The following LARGE1 variants were observed in gnomAD, a reference collection of about 807,000 sequenced individuals.
LARGE1 encodes xylosyl- and glucuronyltransferase LARGE1.
In LARGE1, 43 loss-of-function variants were observed where a neutral mutation model predicts 87.6. That is an observed-to-expected ratio of 0.49 (90% confidence interval 0.38 to 0.63). LARGE1 has a LOEUF of 0.63. Ranked by LOEUF, LARGE1 falls within the 30% of genes least tolerant of loss-of-function variation. The pLI is 0.00. For missense variants in LARGE1, 802 were observed against 1,000.2 expected, an observed-to-expected ratio of 0.80 and a Z score of 2.67; for synonymous variants, 434 against 394.6, an observed-to-expected ratio of 1.10 and a Z score of -1.18.
At chr22:33,622,850 G>A (rs1327436835) in intron 4 of LARGE1, among the ~76,000 whole-genome samples, 3 of 152,108 alleles carry the variant, frequency 2.0e-5, no homozygotes, top group Non-Finnish European at 2.9e-5. Flanking sequence ...AAGTCCTCAC[G>A]CCGTCTTAAA....
At chr22:33,672,256 G>C (rs1377863369) in intron 2 of LARGE1, among the ~76,000 whole-genome samples, 1 of 152,150 alleles carries the variant, frequency 6.6e-6, no homozygotes, top group Non-Finnish European at 1.5e-5. Context: ...GAGGACCAGA[G>C]ACTTTGGCCA....
rs147205826 is a variant in LARGE1 at position 33,388,339 on chromosome 22, C to T, written c.893-4035G>A. Among the ~76,000 whole-genome samples, 340 of 152,318 alleles carry T rather than the reference C, an allele frequency of 2.2e-3. 1 individual carries two copies. Among genetic ancestry groups the T allele is most frequent in the Non-Finnish European group, 3.6e-3 (248 of 68,034 alleles). ...GCTTCCAAAGTTGGACCGGGATTGCCGTGTTGAAGGCGCTCCTTGTCTTGA... is the reference window on the plus strand; with the variant it reads ...GCTTCCAAAGTTGGACCGGGATTGCTGTGTTGAAGGCGCTCCTTGTCTTGA... On this transcript the variant is annotated intron_variant, in intron 7 of 14. Coordinates refer to ENST00000397394, the MANE Select transcript of LARGE1 (RefSeq NM_133642.5).
chr22:33,571,613 C>A (rs2078206826), intron 5 of LARGE1, among the ~76,000 whole-genome samples: 2 of 152,122 alleles, frequency 1.3e-5, no homozygotes, highest in African/African-American at 4.8e-5. Flanking sequence ...CATTGAGATA[C>A]CCCAGTAAAG....
chr22:33,656,961 C>T (rs2080977253), intron 2 of LARGE1: 1 of 152,208 alleles, frequency 6.6e-6, no homozygotes, highest in South Asian at 2.1e-4. Flanking sequence ...TAGGGACTTA[C>T]CATCCAAAAT....
chr22:33,903,527 C>T (rs77307853), intron 1 of LARGE1, among the ~76,000 whole-genome samples: 7,928 of 152,022 alleles, frequency 0.052, 242 homozygotes, highest in East Asian at 0.13. Flanking sequence ...TCACCGTGTC[C>T]TTAAAAGTCT....
the LARGE1 span, among the ~76,000 whole-genome samples, chr22:33,079,382 C>A: frequency 6.6e-6 from 1 of 151,774 alleles, no homozygotes; most frequent in Non-Finnish European, 1.5e-5. Flanking sequence ...CGCCCGCCAC[C>A]ACGCCCGGAT....
the LARGE1 span, among the ~76,000 whole-genome samples, chr22:33,118,309 C>G: frequency 1.3e-5 from 2 of 151,834 alleles, no homozygotes; most frequent in East Asian, 3.9e-4. Context: ...ATCATGGAAC[C>G]TCATCTCTAC....
intron 1 of LARGE1, among the ~76,000 whole-genome samples, chr22:33,843,527 A>C (rs2063343034): frequency 6.6e-6 from 1 of 152,074 alleles, no homozygotes; most frequent in South Asian, 2.1e-4. Flanking sequence ...TAGCGGATGC[A>C]GGAAGATCCA....
At chr22:33,460,350 A>G (rs781000028) in intron 6 of LARGE1, among the ~76,000 whole-genome samples, 2 of 152,170 alleles carry the variant, frequency 1.3e-5, no homozygotes, top group Admixed American at 6.5e-5. Flanking sequence ...CTAATTTGCT[A>G]ATTTCCTAAC....
chr22:33,625,439 T>A (rs1055552036), intron 4 of LARGE1, among the ~76,000 whole-genome samples: 9 of 151,112 alleles, frequency 6.0e-5, no homozygotes, highest in Admixed American at 2.6e-4. Context: ...AGGATGATGG[T>A]TCCCATGGGG....
intron 7 of LARGE1, among the ~76,000 whole-genome samples, chr22:33,424,929 T>G (rs1053059002): frequency 1.3e-5 from 2 of 152,170 alleles, no homozygotes; most frequent in Admixed American, 1.3e-4. Context: ...ATTAGGGTCA[T>G]GAAGGTAGGG....
intron 3 of LARGE1, among the ~76,000 whole-genome samples, chr22:33,646,299 G>A (rs1322737183): frequency 6.6e-6 from 1 of 152,116 alleles, no homozygotes; most frequent in African/African-American, 2.4e-5. Flanking sequence ...CATGAATGAA[G>A]CTGGAAAACA....
chr22:33,206,053 C>G (rs1924665754), intron 11 of LARGE1, among the ~76,000 whole-genome samples: 1 of 149,672 alleles, frequency 6.7e-6, no homozygotes, highest in Non-Finnish European at 1.5e-5. Context: ...CTCCCCGGTT[C>G]ACGCCATTCT....
chr22:33,597,962 T>A (rs2079022995), intron 5 of LARGE1, among the ~76,000 whole-genome samples: 1 of 152,110 alleles, frequency 6.6e-6, no homozygotes, highest in African/African-American at 2.4e-5. Context: ...CTCAGCAGCA[T>A]CCTTAGAAGG....
chr22:33,498,714 G>GT (rs1406821054), intron 6 of LARGE1, among the ~76,000 whole-genome samples: 2 of 152,190 alleles, frequency 1.3e-5, no homozygotes, highest in Non-Finnish European at 2.9e-5. Context: ...GCTCACACCT[G>GT]TAATCCCAGC....
intron 5 of LARGE1, among the ~76,000 whole-genome samples, chr22:33,593,873 G>A (rs1037114562): frequency 3.3e-5 from 5 of 152,132 alleles, no homozygotes; most frequent in East Asian, 1.9e-4. Context: ...ATGAGTTGCT[G>A]TTTTATTTCC....
At chr22:33,610,312 G>A (rs1291657932) in intron 4 of LARGE1, among the ~76,000 whole-genome samples, 2 of 152,236 alleles carry the variant, frequency 1.3e-5, no homozygotes, top group Non-Finnish European at 2.9e-5. Context: ...AATGCAGATA[G>A]TGATAAGGAC....
At chr22:33,751,037 CAAAA>C (rs1569425762) in intron 2 of LARGE1, among the ~76,000 whole-genome samples, 1 of 152,186 alleles carries the variant, frequency 6.6e-6, no homozygotes, top group Non-Finnish European at 1.5e-5. Flanking sequence ...GCAAAACCTA[CAAAA>C]TCACTTCAAA....
At chr22:33,257,952 T>C (rs923411212) in intron 11 of LARGE1, among the ~76,000 whole-genome samples, 1 of 150,618 alleles carries the variant, frequency 6.6e-6, no homozygotes, top group African/African-American at 2.4e-5. Flanking sequence ...CAGTGACCCA[T>C]GTTAGGAAGG....
Sources: allele counts gnomAD v4.1 joint callset (sites outside exome capture counted in the v4.1 genomes callset), GRCh38; gene constraint gnomAD v4.1.1; transcripts MANE v1.5; gene names NCBI Gene and HGNC (gene_info 2026-07-23, HGNC 2026-07-21).